FIRRM: variants seen among roughly 807,000 people sequenced by gnomAD.
FIRRM encodes the protein FIGNL1 interacting regulator of recombination and mitosis.
the FIRRM span, among the ~76,000 whole-genome samples, chr1:169,802,925 A>G: frequency 1.3e-5 from 2 of 152,190 alleles, no homozygotes; most frequent in Admixed American, 1.3e-4. Context: ...AAGCTAGCTG[A>G]CCCTACCTGT....
the FIRRM span, chr1:169,792,884 G>T: frequency 1.9e-6 from 3 of 1,613,968 alleles, no homozygotes; most frequent in Non-Finnish European, 2.5e-6. Context: ...ACAAAACTCA[G>T]ACCACTCACC....
chr1:169,809,442 T>G, the FIRRM span, among the ~76,000 whole-genome samples: 44 of 152,324 alleles, frequency 2.9e-4, no homozygotes, highest in Admixed American at 1.5e-3. Context: ...AGTTTCCTTC[T>G]TGCTTCTCTT....
At chr1:169,847,065 G>C in the FIRRM span, among the ~76,000 whole-genome samples, 1 of 152,128 alleles carries the variant, frequency 6.6e-6, no homozygotes, top group African/African-American at 2.4e-5. Context: ...TGACCTACCT[G>C]TTGGTAGAAC....
the FIRRM span, among the ~76,000 whole-genome samples, chr1:169,838,524 C>G: frequency 2.0e-5 from 3 of 151,810 alleles, no homozygotes; most frequent in Non-Finnish European, 4.4e-5. Context: ...GAGTCTCGCT[C>G]TGTTGCCCAG....
chr1:169,823,016 C>T, the FIRRM span, among the ~76,000 whole-genome samples: 1 of 151,628 alleles, frequency 6.6e-6, no homozygotes, highest in Non-Finnish European at 1.5e-5. Flanking sequence ...CTTTGGGAGG[C>T]CAAGGCAGGT....
the FIRRM span, among the ~76,000 whole-genome samples, chr1:169,786,809 T>TA: frequency 3.9e-5 from 6 of 152,174 alleles, no homozygotes; most frequent in Non-Finnish European, 8.8e-5. Context: ...TTCAGGATCT[T>TA]ACAGTGGACA....
chr1:169,793,750 A>C, the FIRRM span: 1 of 1,483,112 alleles, frequency 6.7e-7, no homozygotes. Flanking sequence ...TTCTGGATAG[A>C]ATTTGATGAT....
the FIRRM span, chr1:169,847,913 TG>T: frequency 1.6e-6 from 1 of 637,206 alleles, no homozygotes; most frequent in Non-Finnish European, 2.7e-6. Context: ...CTGACAAAGT[TG>T]GAAAAAAAAA....
the FIRRM span, chr1:169,852,622 C>T: frequency 4.6e-6 from 3 of 656,130 alleles, no homozygotes; most frequent in South Asian, 4.0e-5. Context: ...ACCAAAATGC[C>T]TTTACATATT....
chr1:169,829,503 A>G, the FIRRM span: 1 of 1,485,604 alleles, frequency 6.7e-7, no homozygotes, highest in Non-Finnish European at 9.0e-7. Flanking sequence ...CTTTCTCTTC[A>G]TTGAAATTGT....
At chr1:169,795,804 ACAAGTTCTCACTCCTCT>A in the FIRRM span, 1 of 984,280 alleles carries the variant, frequency 1.0e-6, no homozygotes, top group Non-Finnish European at 1.2e-6. Context: ...TTTTTTTTTG[ACAAGTTCTCACTCCTCT>A]CACCCAGGCT....
At chr1:169,853,918 A>C in the FIRRM span, 23 of 867,558 alleles carry the variant, frequency 2.7e-5, no homozygotes, top group Non-Finnish European at 4.0e-5. Flanking sequence ...TTAGAGCTCT[A>C]ACAGAAAGTT....
chr1:169,851,313 A>T, the FIRRM span: 1 of 152,200 alleles, frequency 6.6e-6, no homozygotes, highest in Non-Finnish European at 1.5e-5. Context: ...TTACATATAT[A>T]TTTTTTTAGG....
At chr1:169,800,713 C>CTTT in the FIRRM span, among the ~76,000 whole-genome samples, 1 of 84,938 alleles carries the variant, frequency 1.2e-5, no homozygotes, top group African/African-American at 6.3e-5. Context: ...TTTCCTTTCT[C>CTTT]TCTTTTTTTT....
At chr1:169,817,060 AAAG>A in the FIRRM span, among the ~76,000 whole-genome samples, 2 of 152,194 alleles carry the variant, frequency 1.3e-5, no homozygotes, top group South Asian at 2.1e-4. Flanking sequence ...CAACAGCTCA[AAAG>A]AAGTTTTCTT....
chr1:169,841,339 G>C, the FIRRM span, among the ~76,000 whole-genome samples: 1 of 152,176 alleles, frequency 6.6e-6, no homozygotes, highest in Non-Finnish European at 1.5e-5. Flanking sequence ...ATGTGCTATT[G>C]AATTTGGTTT....
At chr1:169,824,046 C>G in the FIRRM span, among the ~76,000 whole-genome samples, 1 of 152,190 alleles carries the variant, frequency 6.6e-6, no homozygotes, top group East Asian at 1.9e-4. Context: ...CTTCATAATT[C>G]ATTTAGTGTC....
At chr1:169,828,266 A>G in the FIRRM span, among the ~76,000 whole-genome samples, 1 of 152,126 alleles carries the variant, frequency 6.6e-6, no homozygotes, top group Non-Finnish European at 1.5e-5. Flanking sequence ...TCTGTGCTCT[A>G]ATTTTTCACC....
the FIRRM span, among the ~76,000 whole-genome samples, chr1:169,800,323 G>A: frequency 6.6e-6 from 1 of 152,184 alleles, no homozygotes; most frequent in Non-Finnish European, 1.5e-5. Context: ...GGGATTACAG[G>A]CGTGAGCCAC....
Sources: allele counts gnomAD v4.1 joint callset (sites outside exome capture counted in the v4.1 genomes callset), GRCh38; gene constraint gnomAD v4.1.1; transcripts MANE v1.5; gene names NCBI Gene and HGNC (gene_info 2026-07-23, HGNC 2026-07-21).